Variants in NCOA7 observed in about 807,000 individuals in gnomAD.
NCOA7 encodes the protein 140 kDa estrogen receptor-associated protein.
Under a neutral mutation model 104.3 loss-of-function variants are expected in NCOA7, and 45 were observed. The observed-to-expected ratio is 0.43, with a 90% CI of 0.34 to 0.55. The LOEUF is 0.55. Among genes scored for constraint, NCOA7 ranks in the 20% least tolerant of loss-of-function variants. The pLI, the probability that NCOA7 is intolerant of heterozygous loss-of-function variation, is 0.02. For synonymous variants in NCOA7, 398 were observed against 402.3 expected (o/e 0.99, Z 0.13); for missense variants, 1,041 against 1,119.7 (o/e 0.93, Z 1.00).
At chr6:125,786,011 C>A (rs1774447897), upstream of NCOA7, 1 of 152,178 alleles carries the variant, frequency 6.6e-6, no homozygotes, top group African/African-American at 2.4e-5. Flanking sequence ...CACAAAAGGA[C>A]ACTTACATTT....
Position 125,884,721 on chromosome 6 carries a change from C to T in NCOA7, c.700-438C>T, listed in dbSNP as rs553048974. ...CACTGTAACTCTGAAACAGCTGCTCCCTTAGCACAGAACCATGCACTTGTC... is the reference window on the plus strand; with the variant it reads ...CACTGTAACTCTGAAACAGCTGCTCTCTTAGCACAGAACCATGCACTTGTC... On this transcript the variant is annotated intron_variant, in intron 7 of 15. Coordinates refer to ENST00000392477, the MANE Select transcript of NCOA7 (RefSeq NM_181782.5). Among the ~76,000 whole-genome samples, 4 of 152,306 alleles carry T rather than the reference C, an allele frequency of 2.6e-5. 1 individual carries two copies. Among genetic ancestry groups the T allele is most frequent in the African/African-American group, 9.6e-5 (4 of 41,558 alleles).
intron 2 of NCOA7, among the ~76,000 whole-genome samples, chr6:125,821,682 C>T (rs143493220): frequency 0.012 from 1,857 of 152,260 alleles, 19 homozygotes; most frequent in Non-Finnish European, 0.017. Context: ...TGGTTAATGT[C>T]AGAGTATTAA....
chr6:125,848,154 A>G (rs958208437), intron 2 of NCOA7, among the ~76,000 whole-genome samples: 2 of 152,186 alleles, frequency 1.3e-5, no homozygotes, highest in African/African-American at 4.8e-5. Context: ...GAAACAACCA[A>G]TGCTGGAGAG....
chr6:125,885,517 A>G lies in NCOA7; in HGVS notation c.884+174A>G, dbSNP rs148566072. On this transcript the variant is annotated intron_variant, in intron 8 of 15. Transcript: ENST00000392477. ...AGAAGAAATGAAAAGAATAAAATCA[A>G]TGATGGGAAAAGTTGAACATATAAA... Among the ~76,000 whole-genome samples, 264 of 152,202 alleles carry G rather than the reference A, an allele frequency of 1.7e-3. 1 individual carries two copies. The highest frequency in any genetic ancestry group is 5.1e-3 in the African/African-American group (212 of 41,560).
Position 125,928,720 on chromosome 6 carries a change from C to T in NCOA7, c.2778C>T (p.Ser926=). ...SCSTFNNDIL[S]KKEDFIVQDL... is the part of the protein sequence containing the mutation. The stretch of plus-strand genomic sequence containing the variant: ...GCACTTTCAATAATGATATTCTTTC[C>T]AAAAAGGAAGACTTCATAGTTCAGG... The change falls in exon 16 of 16, where the codon TCC becomes TCT. Residue 926 remains serine, a synonymous_variant. Transcript: ENST00000392477. 6.2e-7 allele frequency: 1 copy of T among 1,612,490 alleles called. No individual in the cohort carries two copies. The highest frequency in any genetic ancestry group is 1.1e-5 in the South Asian group (1 of 90,970).
chr6:125,819,464 G>C (rs1370828527), intron 2 of NCOA7, among the ~76,000 whole-genome samples: 1 of 151,748 alleles, frequency 6.6e-6, no homozygotes, highest in African/African-American at 2.4e-5. Flanking sequence ...GGTCCAACTG[G>C]TTTTCAGGTG....
chr6:125,877,635 A>T (rs1329799660), intron 4 of NCOA7, among the ~76,000 whole-genome samples: 1 of 152,228 alleles, frequency 6.6e-6, no homozygotes, highest in African/African-American at 2.4e-5. Context: ...ATATGTCACA[A>T]GTTTTACAGA....
At position 125,889,810 on chromosome 6, in the gene NCOA7, G is replaced by A. The variant is rs139541345; in HGVS notation, c.1756G>A (p.Gly586Arg). The A allele has an allele frequency of 1.4e-5, 23 of 1,613,014 alleles. No individual in the cohort carries two copies. The African/African-American group carries it at 2.5e-4, about 18-fold the overall frequency. ...GCCAGATAAGACCTGGGTGAAAAAG[G>A]GAGAGCCCCTCCCGGTAAAACTGAA... The part of the protein sequence containing the change: ...KEPDKTWVKK[G>R]EPLPVKLNSS... The change falls in exon 9 of 16, where the codon GGA becomes AGA. Residue 586 changes from glycine to arginine, a missense_variant. Coordinates refer to ENST00000392477, the MANE Select transcript of NCOA7 (RefSeq NM_181782.5).
chr6:125,860,769 G>A (rs568394234), intron 3 of NCOA7, among the ~76,000 whole-genome samples: 4 of 152,252 alleles, frequency 2.6e-5, no homozygotes, highest in Non-Finnish European at 5.9e-5. Flanking sequence ...TTTCAGTGTC[G>A]GGAAGTTCTT....
At chr6:125,800,507 A>G (rs1351764190) in intron 1 of NCOA7, among the ~76,000 whole-genome samples, 1 of 152,246 alleles carries the variant, frequency 6.6e-6, no homozygotes, top group Non-Finnish European at 1.5e-5. Context: ...ATAAAAGGCA[A>G]GACCTTACCG....
At chr6:125,882,641 AG>A (rs1219074687) in intron 7 of NCOA7, 90 bp downstream of exon 7, 3 of 1,477,702 alleles carry the variant, frequency 2.0e-6, no homozygotes, top group Non-Finnish European at 2.7e-6. Flanking sequence ...CTACATTAAA[AG>A]ATCTTACCCA....
intron 10 of NCOA7, among the ~76,000 whole-genome samples, chr6:125,896,027 A>G (rs889827488): frequency 6.8e-6 from 1 of 148,046 alleles, no homozygotes; most frequent in Non-Finnish European, 1.5e-5. Context: ...TATATATATT[A>G]TATAATACAT....
In NCOA7 at chr6:125,922,816, CA is replaced by C. The variant is rs1787701855; in HGVS notation, c.2508del (p.Asp837IlefsTer53). The C allele has an allele frequency of 6.2e-7, 1 of 1,614,056 alleles. No individual in the cohort carries two copies. Among genetic ancestry groups the C allele is most frequent in the Non-Finnish European group, 8.5e-7 (1 of 1,179,992 alleles). ...TAGACAGTCCTGTCCTATTGGTCAT[CA>C]AAGATATGGATAATCAGGTGAGGCC... ...SLDSPVLLVI[K>X]DMDNQIFGAY... On this transcript the variant is annotated frameshift_variant, in exon 13 of 16. Coordinates refer to ENST00000392477, the MANE Select transcript of NCOA7 (RefSeq NM_181782.5). LOFTEE classifies it high-confidence loss of function.
intron 2 of NCOA7, among the ~76,000 whole-genome samples, chr6:125,816,343 T>C (rs1052850969): frequency 2.0e-5 from 3 of 152,216 alleles, no homozygotes; most frequent in African/African-American, 7.2e-5. Context: ...TCAAAATAAA[T>C]CTATGACATC....
In NCOA7 at chr6:125,889,976, T is replaced by C. The variant is rs773103791; in HGVS notation, c.1922T>C (p.Ile641Thr). The change falls in exon 9 of 16, where the codon ATT (isoleucine) becomes ACT (threonine). Residue 641 changes from isoleucine (I) to threonine (T), a missense_variant. Physicochemically the swap from Ile to Thr is moderately conservative, Grantham distance 89. Around this residue, in one of 2 missense-constraint regions of NCOA7, gnomAD observed 914 missense variants for 942.7 expected, o/e 0.97. Coordinates refer to ENST00000392477, the MANE Select transcript of NCOA7 (RefSeq NM_181782.5). ...CTGTTAAAGAGAATTCAGGTACCCA[T>C]TGAAGGTAAGCTGTTTTTCTTTAAT... is the stretch of plus-strand genomic sequence containing the variant. ...LWLLKRIQVP[I>T]EDILPSKEEK... 2.6e-5 allele frequency: 40 copies of C among 1,516,392 alleles called. No individual in the cohort carries two copies. Among genetic ancestry groups the C allele is most frequent in the Non-Finnish European group, 3.4e-5 (39 of 1,136,870 alleles). 93.9% of individuals were successfully genotyped at this position (1,516,392 alleles called of 1,614,324 possible). A position where few individuals can be genotyped will look rare whatever the true frequency, so the allele number is the denominator to read the frequency against.
At chr6:125,783,534 T>C (rs974863195) in intron 1 of NCOA7, among the ~76,000 whole-genome samples, 1 of 152,234 alleles carries the variant, frequency 6.6e-6, no homozygotes, top group Non-Finnish European at 1.5e-5. Flanking sequence ...TCATATTCTT[T>C]TTTCTGTTTT....
intron 1 of NCOA7, among the ~76,000 whole-genome samples, chr6:125,783,355 A>G (rs1774311971): frequency 6.6e-6 from 1 of 152,244 alleles, no homozygotes; most frequent in South Asian, 2.1e-4. Context: ...TCTGTTCCTC[A>G]GCAAACTTTT....
intron 14 of NCOA7, 24 bp downstream of exon 14, chr6:125,927,782 A>G: frequency 1.3e-6 from 2 of 1,551,496 alleles, no homozygotes. Flanking sequence ...AGAAATATCC[A>G]ACTCCCATAT....
intron 2 of NCOA7, among the ~76,000 whole-genome samples, chr6:125,829,492 G>A (rs550339779): frequency 7.9e-5 from 12 of 152,310 alleles, no homozygotes; most frequent in East Asian, 1.9e-4. Flanking sequence ...CAGTGACATC[G>A]GTGTAGGAAC....
Sources: allele counts gnomAD v4.1 joint callset (sites outside exome capture counted in the v4.1 genomes callset), GRCh38; gene constraint gnomAD v4.1.1; regional missense constraint gnomAD v4.1.1; transcripts MANE v1.5; gene names NCBI Gene and HGNC (gene_info 2026-07-23, HGNC 2026-07-21).